ADCY1: variants seen among roughly 807,000 people sequenced by gnomAD.
ADCY1 encodes adenylate cyclase type 1.
Under a neutral mutation model 105.4 loss-of-function variants are expected in ADCY1, and 28 were observed. That is an observed-to-expected ratio of 0.27 (90% CI 0.20 to 0.36). The LOEUF is 0.36. Ranked by LOEUF, ADCY1 falls within the 10% of genes least tolerant of loss-of-function variation. The pLI, the probability that ADCY1 is intolerant of heterozygous loss-of-function variation, is 1.00. For synonymous variants in ADCY1, 655 were observed against 623.8 expected (o/e 1.05, Z -0.75); for missense variants, 977 against 1,434.2 (o/e 0.68, Z 5.15).
chr7:45,661,130 A>G (rs930200542), intron 7 of ADCY1, among the ~76,000 whole-genome samples: 1 of 152,114 alleles, frequency 6.6e-6, no homozygotes, highest in African/African-American at 2.4e-5. Flanking sequence ...TGTGCACCCC[A>G]GTGGATGCAG....
At chr7:45,640,326 A>G (rs1276543416) in intron 4 of ADCY1, among the ~76,000 whole-genome samples, 2 of 152,226 alleles carry the variant, frequency 1.3e-5, no homozygotes, top group Admixed American at 6.5e-5. Flanking sequence ...CTTGCAAGCA[A>G]GGTTTTTAAA....
intron 14 of ADCY1, among the ~76,000 whole-genome samples, chr7:45,695,874 T>A (rs1250524784): frequency 6.6e-6 from 1 of 152,234 alleles, no homozygotes. Context: ...GTTTTGCTAA[T>A]CTATGACCAG....
chr7:45,673,933 G>T (rs144696184), intron 8 of ADCY1, among the ~76,000 whole-genome samples: 97 of 117,578 alleles, frequency 8.2e-4, no homozygotes, highest in Admixed American at 1.4e-3. Flanking sequence ...GCTGCATCCC[G>T]TAGATTTTGG....
intron 3 of ADCY1, among the ~76,000 whole-genome samples, chr7:45,613,728 A>G (rs536331249): frequency 6.1e-4 from 93 of 152,324 alleles, no homozygotes; most frequent in African/African-American, 2.2e-3. Context: ...ATTTAACCAA[A>G]TTCTCAAAAG....
At chr7:45,608,378 A>G (rs1329794784) in intron 2 of ADCY1, among the ~76,000 whole-genome samples, 1 of 152,218 alleles carries the variant, frequency 6.6e-6, no homozygotes, top group East Asian at 1.9e-4. Context: ...CTCCCTGGCC[A>G]CATCTAGCTG....
At position 45,703,236 on chromosome 7, in the gene ADCY1, T is replaced by C. The variant is rs760873027; in HGVS notation, c.2455-140T>C. On this transcript the variant is annotated intron_variant, in intron 14 of 19. Transcript: ENST00000297323. This position sits in a 1 kb window ranked among gnomAD's most constrained non-coding sequence, Gnocchi z 5.9. ...AACATGGATCTAGTCTTGCATCTAG[T>C]GGGGAGGAGGGACAGGAGCGTGGAT... The C allele has an allele frequency of 1.3e-6, 1 of 770,226 alleles. No individual in the cohort carries two copies. The highest frequency in any genetic ancestry group is 2.3e-6 in the Non-Finnish European group (1 of 433,470). 47.7% of individuals were successfully genotyped at this position (770,226 alleles called of 1,614,324 possible).
rs1336096695 is a variant in ADCY1, at chr7:45,717,667, C to G, written c.*3672C>G. On this transcript the variant is annotated 3_prime_UTR_variant, in exon 20 of 20. Coordinates refer to ENST00000297323, the MANE Select transcript of ADCY1 (RefSeq NM_021116.4). ...GTGCTCCCCTCGCGACCCTTGCATGCCTTTCATGCCTGATGCCGTAGAGTA... is the reference window on the plus strand; with the variant it reads ...GTGCTCCCCTCGCGACCCTTGCATGGCTTTCATGCCTGATGCCGTAGAGTA... The G allele has an allele frequency of 6.6e-6, 1 of 152,238 alleles. No individual in the cohort carries two copies. Among genetic ancestry groups the G allele is most frequent in the Non-Finnish European group, 1.5e-5 (1 of 68,062 alleles). The allele number at this position is 152,238 out of a possible 1,614,324, so 9.4% of individuals were successfully genotyped here.
intron 8 of ADCY1, among the ~76,000 whole-genome samples, chr7:45,669,871 AT>A (rs1421572133): frequency 2.6e-5 from 4 of 152,092 alleles, no homozygotes; most frequent in African/African-American, 9.7e-5. Context: ...AATGGTGATA[AT>A]TTTGCTTTCT....
intron 19 of ADCY1, among the ~76,000 whole-genome samples, chr7:45,712,600 C>T (rs924880020): frequency 4.6e-5 from 7 of 151,952 alleles, no homozygotes; most frequent in East Asian, 3.9e-4. Flanking sequence ...GCCACACTGA[C>T]GGGGGCCAGC....
chr7:45,688,790 G>C (rs1221052946), intron 14 of ADCY1, among the ~76,000 whole-genome samples: 1 of 151,794 alleles, frequency 6.6e-6, no homozygotes, highest in Non-Finnish European at 1.5e-5. Flanking sequence ...TTAGTGAACA[G>C]TGGTTTTCAG....
At chr7:45,712,238 TA>T (rs1785274069) in intron 19 of ADCY1, among the ~76,000 whole-genome samples, 5 of 138,922 alleles carry the variant, frequency 3.6e-5, no homozygotes, top group Non-Finnish European at 7.6e-5. Context: ...TATAAATATA[TA>T]TATACTTACA....
At chr7:45,663,621 C>G (rs899183733) in intron 8 of ADCY1, among the ~76,000 whole-genome samples, 3 of 152,150 alleles carry the variant, frequency 2.0e-5, no homozygotes, top group African/African-American at 4.8e-5. Context: ...GAGTTCAAGA[C>G]CAGCCTGACC....
At chr7:45,601,847 G>A (rs1414911447) in intron 2 of ADCY1, among the ~76,000 whole-genome samples, 1 of 152,134 alleles carries the variant, frequency 6.6e-6, no homozygotes, top group Non-Finnish European at 1.5e-5. Flanking sequence ...GCCAGGAGAA[G>A]GGAAGGGGCC....
intron 3 of ADCY1, among the ~76,000 whole-genome samples, chr7:45,620,413 TGAA>T (rs1793860309): frequency 6.6e-6 from 1 of 151,382 alleles, no homozygotes; most frequent in Admixed American, 6.6e-5. Flanking sequence ...ATGAAGAAAA[TGAA>T]GAGAGTGTCA....
chr7:45,584,349 C>T (rs748082425), intron 1 of ADCY1, among the ~76,000 whole-genome samples: 5 of 152,174 alleles, frequency 3.3e-5, no homozygotes, highest in African/African-American at 7.2e-5. Flanking sequence ...TCGATGCTTC[C>T]GATGGATGGG....
At chr7:45,652,245 A>G (rs1422077602) in intron 5 of ADCY1, among the ~76,000 whole-genome samples, 1 of 152,242 alleles carries the variant, frequency 6.6e-6, no homozygotes, top group Non-Finnish European at 1.5e-5. Flanking sequence ...ATTGGGAATT[A>G]CAACTGGACA....
intron 4 of ADCY1, among the ~76,000 whole-genome samples, chr7:45,638,174 A>G (rs1794443016): frequency 6.6e-6 from 1 of 152,196 alleles, no homozygotes; most frequent in African/African-American, 2.4e-5. Flanking sequence ...TTTTTCAAAT[A>G]CATTTTATGA....
rs138257737 is a variant in ADCY1, at chr7:45,713,459, C to T, written c.3058-234C>T. Among the ~76,000 whole-genome samples, 443 of 152,366 alleles carry T rather than the reference C, an allele frequency of 2.9e-3. 3 individuals are homozygous for T. Among genetic ancestry groups the T allele is most frequent in the African/African-American group, 9.4e-3 (392 of 41,576 alleles). ...CTGGGGCTGGCCCCTTAGACTCCTC[C>T]GAGTCCGCTGGGTTGTCTTTGCAGG... On this transcript the variant is annotated intron_variant, in intron 19 of 19. Transcript: ENST00000297323.
At chr7:45,599,498 A>G (rs1793165393) in intron 2 of ADCY1, among the ~76,000 whole-genome samples, 1 of 150,884 alleles carries the variant, frequency 6.6e-6, no homozygotes, top group South Asian at 2.1e-4. Context: ...CCTCCCTGTC[A>G]TTCTGTGGCC....
Sources: gnomAD v4.1 joint callset for allele counts (sites outside exome capture counted in the v4.1 genomes callset) on GRCh38, gnomAD v4.1.1 for gene constraint, Gnocchi (gnomAD v3.1) non-coding constraint, MANE v1.5 for transcripts, NCBI Gene and HGNC (gene_info 2026-07-23, HGNC 2026-07-21) for gene names.